UGGT2: variants seen among roughly 807,000 people sequenced by gnomAD.
The protein encoded by UGGT2 is UDP-glucose glycoprotein glucosyltransferase 2, also known as UDP-glucose:glycoprotein glucosyltransferase 2.
Under a neutral mutation model 192.1 loss-of-function variants are expected in UGGT2, and 180 were observed. The ratio of observed to expected loss-of-function variants is 0.94; its 90% CI spans 0.83 to 1.06. The LOEUF is 1.06. Among genes scored for constraint, UGGT2 ranks in the 50% least tolerant of loss-of-function variants. UGGT2 has a pLI of 0.00. For synonymous variants in UGGT2, 580 were observed against 591.0 expected (o/e 0.98, Z 0.27); for missense variants, 1,849 against 1,795.7 (o/e 1.03, Z -0.54).
intron 38 of UGGT2, among the ~76,000 whole-genome samples, chr13:95,816,922 T>C (rs1373017514): frequency 2.1e-4 from 32 of 151,226 alleles, no homozygotes; most frequent in Admixed American, 2.1e-3. Flanking sequence ...AGGTCAGGAG[T>C]TCAAGACCAG....
At chr13:96,003,848 A>G (rs1594551873) in intron 5 of UGGT2, among the ~76,000 whole-genome samples, 1 of 152,194 alleles carries the variant, frequency 6.6e-6, no homozygotes, top group Non-Finnish European at 1.5e-5. Flanking sequence ...CAGTAAGTCA[A>G]TATTTCCTTA....
chr13:95,833,046 T>A lies in UGGT2; in HGVS notation c.4409A>T (p.Asn1470Ile). The A allele has an allele frequency of 6.2e-7, 1 of 1,611,824 alleles. No individual in the cohort carries two copies. Among genetic ancestry groups the A allele is most frequent in the East Asian group, 2.2e-5 (1 of 44,766 alleles). ...TAGTTTGGATTCTTTTGTTTTGGGA[T>A]TATTGCACTAAAAGTTTAAGTAAAT... ...QRAKTIDLCNNPKTKESKLKA... is the reference protein window; with the variant it reads ...QRAKTIDLCNIPKTKESKLKA... The change falls in exon 38 of 39, where the codon AAT (asparagine) becomes ATT (isoleucine). Residue 1470 changes from asparagine to isoleucine, a missense_variant. Asn to Ile is a moderately radical substitution (Grantham distance 149, BLOSUM62 -3). Coordinates refer to ENST00000376747, the MANE Select transcript of UGGT2 (RefSeq NM_020121.4).
chr13:95,821,205 AGTAGG>A (rs142456714), intron 38 of UGGT2, among the ~76,000 whole-genome samples: 214 of 152,314 alleles, frequency 1.4e-3, no homozygotes, highest in African/African-American at 5.0e-3. Context: ...CAGTCCCAAC[AGTAGG>A]GTAAAAGTGT....
Position 95,827,590 on chromosome 13 carries a change from T to A in UGGT2, c.4528+5337A>T, listed in dbSNP as rs187441155. On this transcript the variant is annotated intron_variant, in intron 38 of 38. Transcript: ENST00000376747. ...AAATGTCCAGTTTAAGCCAGCCAGT[T>A]TGTGGAACTGTGTTATAGCAGCCCT... Among the ~76,000 whole-genome samples the A allele has an allele frequency of 3.2e-3, 486 of 152,300 alleles. 3 individuals carry two copies. Among genetic ancestry groups the A allele is most frequent in the African/African-American group, 0.011 (464 of 41,570 alleles).
chr13:96,047,318 T>C (rs554631481), intron 1 of UGGT2, among the ~76,000 whole-genome samples: 1 of 152,318 alleles, frequency 6.6e-6, no homozygotes, highest in South Asian at 2.1e-4. Flanking sequence ...CTGCAATATT[T>C]GCTGTTCTGC....
At chr13:95,928,619 C>T (rs528200273) in intron 17 of UGGT2, among the ~76,000 whole-genome samples, 1 of 151,778 alleles carries the variant, frequency 6.6e-6, no homozygotes, top group African/African-American at 2.4e-5. Context: ...AAAGGCGCTC[C>T]CCACATCCCA....
At chr13:95,836,118 C>T (rs929101399) in intron 37 of UGGT2, among the ~76,000 whole-genome samples, 13 of 152,072 alleles carry the variant, frequency 8.5e-5, no homozygotes, top group Non-Finnish European at 1.5e-4. Flanking sequence ...GCGCCATCTC[C>T]GCTCTCTGCA....
chr13:95,919,412 G>A (rs1431879739), intron 20 of UGGT2, among the ~76,000 whole-genome samples: 1 of 152,162 alleles, frequency 6.6e-6, no homozygotes, highest in African/African-American at 2.4e-5. Context: ...CAAATAGGAA[G>A]AGAGAAGTCA....
At position 95,922,738 on chromosome 13, in the gene UGGT2, G is replaced by T. The variant is rs193141263; in HGVS notation, c.2295+2942C>A. 1.2e-4 allele frequency among the ~76,000 whole-genome samples: 19 copies of T among 152,084 alleles called. No individual in the cohort carries two copies. In the East Asian group the frequency reaches 3.7e-3, roughly 30 times the overall value. On this transcript the variant is annotated intron_variant, in intron 20 of 38. Transcript: ENST00000376747. The stretch of plus-strand genomic sequence containing the variant: ...CCCAGGAGGCTGAGGTGGGAGGATT[G>T]CTTGAGCCCAGGAGTTGGGTGCTGT...
At chr13:95,870,090 C>T (rs971137268) in intron 29 of UGGT2, among the ~76,000 whole-genome samples, 1 of 152,180 alleles carries the variant, frequency 6.6e-6, no homozygotes, top group Non-Finnish European at 1.5e-5. Flanking sequence ...TGCTGTTATT[C>T]AATACTTAGG....
At chr13:95,946,638 T>G (rs1286094399) in intron 15 of UGGT2, among the ~76,000 whole-genome samples, 1 of 152,220 alleles carries the variant, frequency 6.6e-6, no homozygotes, top group East Asian at 1.9e-4. Context: ...CCTAAAATGC[T>G]GGGATTATAG....
At chr13:95,948,255 AT>A (rs1450441505) in intron 13 of UGGT2, among the ~76,000 whole-genome samples, 174 bp from the exon 14 acceptor site, 1 of 148,922 alleles carries the variant, frequency 6.7e-6, no homozygotes, top group Non-Finnish European at 1.5e-5. Flanking sequence ...ACACACACAT[AT>A]AAAGGATTTC....
In UGGT2 at chr13:96,000,599, T is replaced by C. The variant is rs60465669; in HGVS notation, c.661-1292A>G. On this transcript the variant is annotated intron_variant, in intron 5 of 38. Transcript: ENST00000376747. Reference sequence around the variant, plus strand: ...AATTTAAAACTACATTTTGAATATCTAGTCAAAAGACCAATCAGTTGGTGG... The same window carrying C: ...AATTTAAAACTACATTTTGAATATCCAGTCAAAAGACCAATCAGTTGGTGG... Among the ~76,000 whole-genome samples, 1,204 of 152,316 alleles carry C rather than the reference T, an allele frequency of 7.9e-3. 37 individuals are homozygous for C. Among genetic ancestry groups the C allele is most frequent in the Admixed American group, 0.049 (745 of 15,290 alleles).
intron 26 of UGGT2, among the ~76,000 whole-genome samples, chr13:95,884,959 CTAGGAGTT>C (rs2140201282): frequency 6.6e-6 from 1 of 152,228 alleles, no homozygotes; most frequent in East Asian, 1.9e-4. Context: ...TATGCAGGTT[CTAGGAGTT>C]TATGATCTGT....
Position 95,859,760 on chromosome 13 carries a change from A to T in UGGT2, c.3741-85T>A, listed in dbSNP as rs148400216. On this transcript the variant is annotated intron_variant, in intron 32 of 38. Transcript: ENST00000376747. ...TTTTAACCTTGAAGTGTTTTTTAAAATTTAATTTTAATTTCTTAAATTTTA... is the reference window on the plus strand; with the variant it reads ...TTTTAACCTTGAAGTGTTTTTTAAATTTTAATTTTAATTTCTTAAATTTTA... The T allele has an allele frequency of 4.0e-5, 41 of 1,019,600 alleles. 1 individual carries two copies. In the African/African-American group the frequency reaches 5.7e-4, roughly 14 times the overall value. The allele number at this position is 1,019,600 out of a possible 1,614,324, so 63.2% of individuals were successfully genotyped here. A position where few individuals can be genotyped will look rare whatever the true frequency, so the allele number is the denominator to read the frequency against.
rs770256082 is a variant in UGGT2, at chr13:95,986,432, T to G, written c.932A>C (p.Asp311Ala). ...TTGAGAAGCTGCTTGAAAACTAAGA[T>G]CTGGAAGGAAAAATATTATTAAGGA... ...MMPLKVWELQ[D>A]LSFQAASQIM... Residue 311 changes from aspartate to alanine, a missense_variant and splice_region_variant, in exon 9 of 39, where the codon GAT (aspartate) becomes GCT (alanine). Coordinates refer to ENST00000376747, the MANE Select transcript of UGGT2 (RefSeq NM_020121.4). The G allele has an allele frequency of 1.8e-5, 29 of 1,577,422 alleles. No individual in the cohort carries two copies. The highest frequency in any genetic ancestry group is 8.5e-5 in the Admixed American group (5 of 58,606).
intron 7 of UGGT2, among the ~76,000 whole-genome samples, chr13:95,991,941 G>A (rs2051471069): frequency 6.6e-6 from 1 of 152,048 alleles, no homozygotes; most frequent in Non-Finnish European, 1.5e-5. Flanking sequence ...CGGATCACGA[G>A]GTCAGGAGGT....
At position 95,983,803 on chromosome 13, in the gene UGGT2, C is replaced by A. The variant is rs2051204452; in HGVS notation, c.1092+1G>T. On this transcript the variant is annotated splice_donor_variant, in intron 10 of 38. Transcript: ENST00000376747. LOFTEE classifies it high-confidence loss of function. ...GTTTTAAAAAAGGAATTCAAACAAA[C>A]CTTTTGATTTTCCTTTATTTCTTCT... 1 of 1,553,850 alleles carries A rather than the reference C, an allele frequency of 6.4e-7. No individual in the cohort carries two copies. The highest frequency in any genetic ancestry group is 8.7e-7 in the Non-Finnish European group (1 of 1,147,512).
intron 20 of UGGT2, among the ~76,000 whole-genome samples, chr13:95,910,705 C>T (rs772688700): frequency 2.2e-4 from 34 of 152,208 alleles, no homozygotes; most frequent in Non-Finnish European, 4.4e-4. Context: ...CAAGGATATC[C>T]AGGACCTGAA....
Sources: gnomAD v4.1 joint callset for allele counts (sites outside exome capture counted in the v4.1 genomes callset) on GRCh38, gnomAD v4.1.1 for gene constraint, MANE v1.5 for transcripts, NCBI Gene and HGNC (gene_info 2026-07-23, HGNC 2026-07-21) for gene names.